The following EPC2 variants were observed in gnomAD, a reference collection of about 807,000 sequenced individuals.
EPC2 encodes enhancer of polycomb 2.
A neutral mutation model predicts 92.1 loss-of-function variants in EPC2; 14 were observed. That is an observed-to-expected ratio of 0.15 (90% CI 0.10 to 0.24). The LOEUF (loss-of-function observed/expected upper bound fraction) is 0.24. EPC2 is among the 10% of genes least tolerant of loss of function. The probability of loss-of-function intolerance (pLI) is 1.00; values close to 1 mark genes in which losing one functional copy is unlikely to be tolerated. For synonymous variants in EPC2, 340 were observed against 334.7 expected (o/e 1.02, Z -0.17); for missense variants, 755 against 971.5 (o/e 0.78, Z 2.96).
intron 2 of EPC2, 42 bp from the exon 3 acceptor site, chr2:148,743,580 A>G (rs1682923893): frequency 1.0e-5 from 15 of 1,453,774 alleles, no homozygotes; most frequent in Admixed American, 2.7e-5. Flanking sequence ...GTATAATTTC[A>G]TAATTTCTCC....
intron 1 of EPC2, among the ~76,000 whole-genome samples, chr2:148,688,493 C>A (rs1681575286): frequency 6.6e-6 from 1 of 152,066 alleles, no homozygotes; most frequent in South Asian, 2.1e-4. Context: ...AGCACACCAA[C>A]ATGGCACATG....
At chr2:148,753,321 C>T (rs956406224) in intron 3 of EPC2, among the ~76,000 whole-genome samples, 1 of 152,148 alleles carries the variant, frequency 6.6e-6, no homozygotes, top group South Asian at 2.1e-4. Flanking sequence ...TAAGTATTCT[C>T]TAGTACTTAA....
At chr2:148,779,820 A>G (rs866925405) in intron 10 of EPC2, among the ~76,000 whole-genome samples, 4 of 152,226 alleles carry the variant, frequency 2.6e-5, no homozygotes, top group Admixed American at 6.5e-5. Context: ...GACACACTTG[A>G]CACTGGACTT....
chr2:148,660,730 G>A (rs983281289), intron 1 of EPC2, among the ~76,000 whole-genome samples: 3 of 151,928 alleles, frequency 2.0e-5, no homozygotes, highest in Admixed American at 6.6e-5. Flanking sequence ...ATTCATTCAA[G>A]TGGATATCCA....
In EPC2 at chr2:148,786,319, C is replaced by T. The variant is rs760521528; in HGVS notation, c.2366C>T (p.Pro789Leu). 1 of 1,611,750 alleles carries T rather than the reference C, an allele frequency of 6.2e-7. No homozygotes were observed. The highest frequency in any genetic ancestry group is 8.5e-7 in the Non-Finnish European group (1 of 1,178,934). Residue 789 changes from proline to leucine, a missense_variant, in exon 14 of 14, where the codon CCA becomes CTA. Pro to Leu is a moderately conservative substitution (Grantham distance 98, BLOSUM62 -3). Around this residue, in one of 4 missense-constraint regions of EPC2, gnomAD observed 207 missense variants for 260.5 expected, o/e 0.79. Coordinates refer to ENST00000258484, the MANE Select transcript of EPC2 (RefSeq NM_015630.4). ...TATTACCATAGAGAGAACCACGAAC[C>T]AGAAAGATTGGGCTTAAATGGAATA... ...ISSIARENHE[P>L]ERLGLNGIAE...
intron 2 of EPC2, among the ~76,000 whole-genome samples, chr2:148,710,676 A>G (rs564998456): frequency 1.3e-4 from 19 of 142,118 alleles, no homozygotes; most frequent in Admixed American, 1.1e-3. Flanking sequence ...CATAAAAAAT[A>G]ATGAGTTATG....
chr2:148,699,329 C>G (rs1480224057), intron 2 of EPC2, among the ~76,000 whole-genome samples: 2 of 152,116 alleles, frequency 1.3e-5, no homozygotes, highest in East Asian at 1.9e-4. Flanking sequence ...ACAGTTTGCT[C>G]TTTGTATTGT....
At chr2:148,660,811 AT>A (rs926061054) in intron 1 of EPC2, among the ~76,000 whole-genome samples, 71 of 145,844 alleles carry the variant, frequency 4.9e-4, no homozygotes, top group Non-Finnish European at 6.1e-4. Flanking sequence ...TCCTATTTGA[AT>A]TTTTTTTTTT....
chr2:148,768,631 G>A (rs924994681), intron 7 of EPC2, among the ~76,000 whole-genome samples: 2 of 152,154 alleles, frequency 1.3e-5, no homozygotes, highest in Admixed American at 1.3e-4. Context: ...AATGAGTTGG[G>A]AGATACAAGA....
chr2:148,723,553 G>A (rs1156339738), intron 2 of EPC2, among the ~76,000 whole-genome samples: 2 of 152,138 alleles, frequency 1.3e-5, no homozygotes, highest in African/African-American at 4.8e-5. Context: ...TTTTGGGTGC[G>A]ATGCTTTTGC....
intron 1 of EPC2, chr2:148,645,422 T>C: frequency 2.4e-6 from 1 of 422,924 alleles, no homozygotes; most frequent in South Asian, 2.9e-5. Flanking sequence ...AAGGGGGCCT[T>C]GCCGTAAGCG....
chr2:148,645,189 A>T lies in EPC2; in HGVS notation c.153+19A>T, dbSNP rs369636172. On this transcript the variant is annotated intron_variant, in intron 1 of 13. Coordinates refer to ENST00000258484, the MANE Select transcript of EPC2 (RefSeq NM_015630.4). ...GGAATCGGTAGGGACTCGAGTGTTT[A>T]TTACCCCCCCTTCCCTCCTCCCCCC... The T allele has an allele frequency of 5.9e-5, 93 of 1,579,434 alleles. No homozygotes were observed. The highest frequency in any genetic ancestry group is 7.8e-5 in the Non-Finnish European group (91 of 1,161,012).
intron 1 of EPC2, among the ~76,000 whole-genome samples, chr2:148,655,834 T>C (rs966030422): frequency 1.3e-5 from 2 of 152,156 alleles, no homozygotes; most frequent in African/African-American, 2.4e-5. Flanking sequence ...ATAGACAGAA[T>C]TGTCTTATTT....
rs1162488919 is a variant in EPC2 at position 148,783,704 on chromosome 2, C to A, written c.1965C>A (p.Ala655=). ...SAPVPSRSEV[A]KEQNTGHNNI... The stretch of plus-strand genomic sequence containing the variant: ...CTGTTCCAAGTCGCAGTGAGGTAGC[C>A]AAGGAACAGAACACTGGCCACAACA... The change falls in exon 12 of 14, where the codon GCC becomes GCA. Residue 655 remains alanine, a synonymous_variant. Transcript: ENST00000258484. 1 of 1,594,126 alleles carries A rather than the reference C, an allele frequency of 6.3e-7. No individual in the cohort carries two copies. The highest frequency in any genetic ancestry group is 1.3e-5 in the African/African-American group (1 of 74,772).
chr2:148,707,135 A>G (rs1235184151), intron 2 of EPC2, among the ~76,000 whole-genome samples: 2 of 152,216 alleles, frequency 1.3e-5, no homozygotes, highest in East Asian at 1.9e-4. Flanking sequence ...TAGGCTCAAA[A>G]TAAAGGGATG....
chr2:148,670,317 G>T (rs1681130557), intron 1 of EPC2, among the ~76,000 whole-genome samples: 2 of 151,440 alleles, frequency 1.3e-5, no homozygotes, highest in Non-Finnish European at 2.9e-5. Context: ...AGGTGGAAGG[G>T]TGAATTTGGT....
intron 2 of EPC2, among the ~76,000 whole-genome samples, chr2:148,705,837 A>T (rs1681988294): frequency 6.6e-6 from 1 of 152,138 alleles, no homozygotes; most frequent in South Asian, 2.1e-4. Context: ...CCAAAACCTC[A>T]TCTGTAGGTC....
chr2:148,679,410 G>A (rs1216844410), intron 1 of EPC2, among the ~76,000 whole-genome samples: 1 of 152,160 alleles, frequency 6.6e-6, no homozygotes, highest in East Asian at 1.9e-4. Flanking sequence ...TCCCAAGATT[G>A]TGAGGACCTA....
intron 4 of EPC2, among the ~76,000 whole-genome samples, chr2:148,760,985 C>G (rs1361510383): frequency 6.6e-6 from 1 of 152,040 alleles, no homozygotes; most frequent in Non-Finnish European, 1.5e-5. Context: ...ACAAATAGTT[C>G]CATGCCTAAT....
Sources: allele counts gnomAD v4.1 joint callset (sites outside exome capture counted in the v4.1 genomes callset), GRCh38; gene constraint gnomAD v4.1.1; regional missense constraint gnomAD v4.1.1; transcripts MANE v1.5; gene names NCBI Gene and HGNC (gene_info 2026-07-23, HGNC 2026-07-21).